The following TMEM39B variants were observed in gnomAD, a reference collection of about 807,000 sequenced individuals.
TMEM39B encodes the protein transmembrane protein 39B.
In TMEM39B, 23 loss-of-function variants were observed where a neutral mutation model predicts 52.2. The ratio of observed to expected loss-of-function variants is 0.44; its 90% CI spans 0.32 to 0.62. The LOEUF is 0.62. Ranked by LOEUF, TMEM39B falls within the 20% of genes least tolerant of loss-of-function variation. TMEM39B has a pLI of 0.06. For missense variants in TMEM39B, 547 were observed against 642.0 expected, an observed-to-expected ratio of 0.85 and a Z score of 1.60; for synonymous variants, 285 against 264.0, an observed-to-expected ratio of 1.08 and a Z score of -0.77.
intron 6 of TMEM39B, among the ~76,000 whole-genome samples, chr1:32,094,509 G>A (rs1640738329): frequency 6.6e-6 from 1 of 152,138 alleles, no homozygotes; most frequent in Non-Finnish European, 1.5e-5. Context: ...ACATAAATAA[G>A]CAAAAGAGCC....
upstream of TMEM39B, chr1:32,072,181 A>G (rs1639678258): frequency 6.6e-6 from 1 of 152,268 alleles, no homozygotes; most frequent in South Asian, 2.1e-4. Flanking sequence ...TGTGCTAAGC[A>G]ATGGAGCTAC....
Position 32,101,899 on chromosome 1 carries a change from C to G in TMEM39B, c.1237-532C>G, listed in dbSNP as rs1641031782. Reference sequence around the variant, plus strand: ...TTGAGAGTGAGCTGTTGCCATGTCCCTTGGCAGCTTCCAGCCTAGCTAGGG... The same window carrying G: ...TTGAGAGTGAGCTGTTGCCATGTCCGTTGGCAGCTTCCAGCCTAGCTAGGG... On this transcript the variant is annotated intron_variant, in intron 8 of 8. Coordinates refer to ENST00000336294, the MANE Select transcript of TMEM39B (RefSeq NM_018056.4). Among the ~76,000 whole-genome samples the G allele has an allele frequency of 2.0e-5, 3 of 152,158 alleles. No individual in the cohort carries two copies. In the South Asian group the frequency reaches 6.2e-4, roughly 32 times the overall value.
chr1:32,094,293 A>C (rs1413571687), intron 6 of TMEM39B, among the ~76,000 whole-genome samples: 1 of 146,554 alleles, frequency 6.8e-6, no homozygotes, highest in African/African-American at 2.5e-5. Context: ...CGCCCGGCTA[A>C]TTTTTGTATT....
intron 6 of TMEM39B, among the ~76,000 whole-genome samples, chr1:32,093,683 G>A (rs555600487): frequency 4.7e-5 from 7 of 150,356 alleles, no homozygotes; most frequent in Non-Finnish European, 8.9e-5. Flanking sequence ...AAGTGCTGAG[G>A]TTACAGGCGT....
chr1:32,081,129 C>T (rs113605815), intron 5 of TMEM39B, among the ~76,000 whole-genome samples: 5 of 151,984 alleles, frequency 3.3e-5, no homozygotes, highest in African/African-American at 1.2e-4. Flanking sequence ...TCTCCAATCC[C>T]GCCTCCAGAT....
chr1:32,079,478 C>G (rs1170425687), intron 5 of TMEM39B, among the ~76,000 whole-genome samples: 1 of 152,054 alleles, frequency 6.6e-6, no homozygotes, highest in Non-Finnish European at 1.5e-5. Context: ...GCCACCGCGC[C>G]TGGCCAACCT....
rs548779391 is a variant in TMEM39B, at chr1:32,090,779, A to G, written c.591-896A>G. Among the ~76,000 whole-genome samples the G allele has an allele frequency of 3.9e-5, 6 of 152,202 alleles. No homozygotes were observed. In the South Asian group the frequency reaches 6.2e-4, roughly 16 times the overall value. On this transcript the variant is annotated intron_variant, in intron 5 of 8. Coordinates refer to ENST00000336294, the MANE Select transcript of TMEM39B (RefSeq NM_018056.4). The stretch of plus-strand genomic sequence containing the variant: ...CTCAGCCTCCCGAGTAGCTGGGACT[A>G]CAGGCGCCCGCCACCACGCCCGGCT...
rs144099314 is a variant in TMEM39B at position 32,098,060 on chromosome 1, G to A, written c.1116-2382G>A. On this transcript the variant is annotated intron_variant, in intron 7 of 8. Transcript: ENST00000336294. ...TGCCCAGGTTGGAGTGCAGTGCTGCGATCTTGGCTCACTGCAACCTCCACC... is the reference window on the plus strand; with the variant it reads ...TGCCCAGGTTGGAGTGCAGTGCTGCAATCTTGGCTCACTGCAACCTCCACC... Among the ~76,000 whole-genome samples, 102 of 151,988 alleles carry A rather than the reference G, an allele frequency of 6.7e-4. 2 individuals carry two copies. The East Asian group carries it at 0.016, about 25-fold the overall frequency.
chr1:32,091,820 T>C lies in TMEM39B; in HGVS notation c.736T>C (p.Trp246Arg). The C allele has an allele frequency of 6.2e-7, 1 of 1,614,170 alleles. No homozygotes were observed. The part of the protein sequence containing the change: ...RDYLLTLRET[W>R]KQHTRQLYGP... ...CTACCTCCTGACACTGCGGGAGACG[T>C]GGAAGCAGCACACAAGACAGCTGTA... is the stretch of plus-strand genomic sequence containing the variant. Residue 246 changes from tryptophan (W) to arginine (R), a missense_variant, in exon 6 of 9, where the codon TGG becomes CGG. Trp to Arg is a moderately radical substitution (Grantham distance 101, BLOSUM62 -3). Coordinates refer to ENST00000336294, the MANE Select transcript of TMEM39B (RefSeq NM_018056.4).
chr1:32,079,857 A>G (rs1186792680), intron 5 of TMEM39B, among the ~76,000 whole-genome samples: 1 of 150,104 alleles, frequency 6.7e-6, no homozygotes, highest in Non-Finnish European at 1.5e-5. Flanking sequence ...GCAGCCTCCA[A>G]CTCCCGGGTT....
chr1:32,094,621 C>T (rs1022547194), intron 6 of TMEM39B, among the ~76,000 whole-genome samples, 163 bp from the exon 7 acceptor site: 7 of 152,162 alleles, frequency 4.6e-5, no homozygotes, highest in Admixed American at 3.3e-4. Flanking sequence ...CTAGTGGGCA[C>T]AGGGCCTAAG....
chr1:32,079,522 C>A (rs541787543), intron 5 of TMEM39B, among the ~76,000 whole-genome samples: 4 of 151,974 alleles, frequency 2.6e-5, no homozygotes, highest in Admixed American at 6.6e-5. Context: ...TTCATCCCCT[C>A]CTTAGGCAAT....
rs574235066 is a variant in TMEM39B at position 32,093,954 on chromosome 1, G to T, written c.928-830G>T. Among the ~76,000 whole-genome samples the T allele has an allele frequency of 1.2e-4, 18 of 151,670 alleles. No homozygotes were observed. In the South Asian group the frequency reaches 3.7e-3, roughly 32 times the overall value. On this transcript the variant is annotated intron_variant, in intron 6 of 8. Transcript: ENST00000336294. ...CTGCGTCAGCCTCCTGAGTAGCTGG[G>T]ACTACAGGCGCCCGCCACCACGCCC... is the stretch of plus-strand genomic sequence containing the variant.
Position 32,073,070 on chromosome 1 carries a change from G to T in TMEM39B, c.4+19G>T. The T allele has an allele frequency of 6.8e-7, 1 of 1,471,842 alleles. No individual in the cohort carries two copies. 91.2% of individuals were successfully genotyped at this position (1,471,842 alleles called of 1,614,324 possible). ...GAGATGGGTGAGCAGAGCGGCTCAG[G>T]CTCGGCCTGGCAACGAGCGGGCGCA... is the stretch of plus-strand genomic sequence containing the variant. On this transcript the variant is annotated intron_variant, in intron 1 of 8. Transcript: ENST00000336294.
At chr1:32,100,377 ATTC>A in intron 7 of TMEM39B, 62 bp from the exon 8 acceptor site, 3 of 1,497,570 alleles carry the variant, frequency 2.0e-6, no homozygotes, top group Non-Finnish European at 2.7e-6. Context: ...CCTCCTGCCC[ATTC>A]TTCTGGTATC....
intron 5 of TMEM39B, among the ~76,000 whole-genome samples, chr1:32,085,683 G>A (rs1259581486): frequency 6.6e-6 from 1 of 151,870 alleles, no homozygotes; most frequent in African/African-American, 2.4e-5. Context: ...CCCGGGAGGT[G>A]GAGGTTGCAG....
intron 6 of TMEM39B, among the ~76,000 whole-genome samples, chr1:32,093,137 C>T (rs535804508): frequency 3.9e-5 from 6 of 151,914 alleles, no homozygotes; most frequent in African/African-American, 1.2e-4. Flanking sequence ...CTCGCTCTGT[C>T]GCCCAGGCTG....
intron 6 of TMEM39B, among the ~76,000 whole-genome samples, chr1:32,093,287 C>T (rs776251929): frequency 1.3e-5 from 2 of 151,368 alleles, no homozygotes; most frequent in East Asian, 1.9e-4. Flanking sequence ...TTAGTAGAGA[C>T]GGGGTTTCAT....
intron 7 of TMEM39B, among the ~76,000 whole-genome samples, chr1:32,099,110 G>A (rs1278936852): frequency 3.3e-5 from 5 of 152,002 alleles, no homozygotes; most frequent in Admixed American, 2.0e-4. Flanking sequence ...AAAATTAGCC[G>A]GGCGTGGTGG....
Sources: allele counts gnomAD v4.1 joint callset (sites outside exome capture counted in the v4.1 genomes callset), GRCh38; gene constraint gnomAD v4.1.1; transcripts MANE v1.5; gene names NCBI Gene and HGNC (gene_info 2026-07-23, HGNC 2026-07-21).